NKAIN1: variants seen among roughly 807,000 people sequenced by gnomAD.
NKAIN1 encodes the protein sodium/potassium-transporting ATPase subunit beta-1-interacting protein 1.
A neutral mutation model predicts 31.6 loss-of-function variants in NKAIN1; 13 were observed. The observed-to-expected ratio is 0.41, with a 90% CI of 0.27 to 0.65. The LOEUF (loss-of-function observed/expected upper bound fraction) is 0.65. Ranked by LOEUF, NKAIN1 falls within the 30% of genes least tolerant of loss-of-function variation. NKAIN1 has a pLI of 0.30. For synonymous variants in NKAIN1, 104 were observed against 109.0 expected (o/e 0.95, Z 0.28); for missense variants, 193 against 262.2 (o/e 0.74, Z 1.82).
At chr1:31,216,233 C>G (rs528104182) in intron 1 of NKAIN1, among the ~76,000 whole-genome samples, 1 of 151,906 alleles carries the variant, frequency 6.6e-6, no homozygotes, top group African/African-American at 2.4e-5. Flanking sequence ...AAGCAATTGC[C>G]GTCTGCACGT....
intron 1 of NKAIN1, among the ~76,000 whole-genome samples, chr1:31,212,889 C>A (rs1412726213): frequency 6.6e-6 from 1 of 151,850 alleles, no homozygotes; most frequent in Non-Finnish European, 1.5e-5. Context: ...CCCAGCTACT[C>A]GGGAGGCTGA....
intron 1 of NKAIN1, among the ~76,000 whole-genome samples, chr1:31,200,038 CAT>C (rs1553162439): frequency 1.3e-5 from 2 of 151,780 alleles, no homozygotes; most frequent in African/African-American, 2.4e-5. Context: ...CACACACACA[CAT>C]GCACACGTGC....
chr1:31,209,158 C>G (rs1289787837), intron 1 of NKAIN1, among the ~76,000 whole-genome samples: 1 of 152,124 alleles, frequency 6.6e-6, no homozygotes, highest in Non-Finnish European at 1.5e-5. Flanking sequence ...GTGGATCACC[C>G]GAGGTCAGGA....
At chr1:31,219,929 G>A (rs1645549026) in intron 1 of NKAIN1, among the ~76,000 whole-genome samples, 1 of 151,636 alleles carries the variant, frequency 6.6e-6, no homozygotes, top group Non-Finnish European at 1.5e-5. Context: ...TCTGTGAAAT[G>A]TTTGTGCCTT....
At chr1:31,208,463 A>G (rs527612166) in intron 1 of NKAIN1, among the ~76,000 whole-genome samples, 55 of 152,222 alleles carry the variant, frequency 3.6e-4, no homozygotes, top group African/African-American at 1.1e-3. Flanking sequence ...CTTCCTTGCT[A>G]ATAAGAGAAA....
At chr1:31,208,391 G>A (rs1645440230) in intron 1 of NKAIN1, among the ~76,000 whole-genome samples, 1 of 152,154 alleles carries the variant, frequency 6.6e-6, no homozygotes, top group African/African-American at 2.4e-5. Flanking sequence ...CGCCTCTGCT[G>A]CAGCTTTCTC....
At chr1:31,194,570 C>A (rs777705575) in intron 1 of NKAIN1, among the ~76,000 whole-genome samples, 10 of 150,858 alleles carry the variant, frequency 6.6e-5, no homozygotes, top group Non-Finnish European at 1.3e-4. Flanking sequence ...CCATGCCCTG[C>A]CAATTATTGT....
chr1:31,233,249 C>G lies in NKAIN1; in HGVS notation c.54+6245G>C, dbSNP rs1031544525. 6.6e-6 allele frequency among the ~76,000 whole-genome samples: 1 copy of G among 152,166 alleles called. No individual in the cohort carries two copies. Among genetic ancestry groups the G allele is most frequent in the East Asian group, 1.9e-4 (1 of 5,196 alleles). On this transcript the variant is annotated intron_variant, in intron 1 of 6. Coordinates refer to ENST00000373736, the MANE Select transcript of NKAIN1 (RefSeq NM_024522.3). The surrounding 1 kb of genome is among the most constrained non-coding windows in gnomAD (Gnocchi z 4.0). ...ACAGGTGTGAGCTACCGCACCCAGC[C>G]GTGCATCACAGCTCTTTTAAGTCCA...
chr1:31,181,924 A>T lies in NKAIN1; in HGVS notation c.550T>A (p.Phe184Ile). 1 of 1,606,318 alleles carries T rather than the reference A, an allele frequency of 6.2e-7. No individual in the cohort carries two copies. The highest frequency in any genetic ancestry group is 1.7e-5 in the Admixed American group (1 of 58,606). ...EEDSFDFIGG[F>I]DSYGYQAPQK... ...GGCGCCTGGTATCCGTAGGAGTCAAAGCCGCCGATGAAGTCAACTGCGGAA... is the reference window on the plus strand; with the variant it reads ...GGCGCCTGGTATCCGTAGGAGTCAATGCCGCCGATGAAGTCAACTGCGGAA... The change falls in exon 6 of 7, where the codon TTT (phenylalanine) becomes ATT (isoleucine). Residue 184 changes from phenylalanine (F) to isoleucine (I), a missense_variant. By Grantham distance (21) the Phe-to-Ile change is conservative. Transcript: ENST00000373736.
chr1:31,218,071 T>TCTTTCTTTCTTTCTC (rs201070152), intron 1 of NKAIN1, among the ~76,000 whole-genome samples: 1 of 133,614 alleles, frequency 7.5e-6, no homozygotes, highest in African/African-American at 2.8e-5. Context: ...TTTCTTTCTT[T>TCTTTCTTTCTTTCTC]TTTTTTTTTG....
intron 1 of NKAIN1, among the ~76,000 whole-genome samples, chr1:31,229,658 T>A (rs1645631524): frequency 6.6e-6 from 1 of 151,752 alleles, no homozygotes; most frequent in African/African-American, 2.4e-5. Context: ...AAAGATGAGG[T>A]CACCAGAGTC....
chr1:31,210,744 G>C (rs1281396952), intron 1 of NKAIN1, among the ~76,000 whole-genome samples: 3 of 152,216 alleles, frequency 2.0e-5, no homozygotes, highest in African/African-American at 7.2e-5. Flanking sequence ...GTTGACAGGG[G>C]TGAGTAAGGA....
intron 1 of NKAIN1, among the ~76,000 whole-genome samples, chr1:31,199,478 C>T (rs1000338472): frequency 2.0e-5 from 3 of 152,128 alleles, no homozygotes; most frequent in African/African-American, 7.2e-5. Context: ...GACTCAACCC[C>T]TCATCTGTGA....
intron 1 of NKAIN1, among the ~76,000 whole-genome samples, chr1:31,200,088 C>T (rs904623214): frequency 2.0e-4 from 30 of 152,304 alleles, no homozygotes; most frequent in African/African-American, 6.5e-4. Context: ...TGCGCGCACA[C>T]GCATTCACAC....
chr1:31,232,422 TATAG>T (rs1258461280), intron 1 of NKAIN1, among the ~76,000 whole-genome samples: 33 of 25,806 alleles, frequency 1.3e-3, no homozygotes, highest in African/African-American at 3.5e-3. Flanking sequence ...TATATATATA[TATAG>T]AGAGAGAGAG....
intron 1 of NKAIN1, among the ~76,000 whole-genome samples, chr1:31,230,792 A>G (rs1272971923): frequency 6.6e-6 from 1 of 152,028 alleles, no homozygotes; most frequent in Non-Finnish European, 1.5e-5. Context: ...TGATATAGGC[A>G]TCCACTGTGC....
At chr1:31,215,475 C>T (rs373080088) in intron 1 of NKAIN1, among the ~76,000 whole-genome samples, 3 of 152,296 alleles carry the variant, frequency 2.0e-5, no homozygotes, top group East Asian at 1.9e-4. Flanking sequence ...TCAGACCGCC[C>T]GGGACACTGA....
In NKAIN1 at chr1:31,233,187, T is replaced by A. The variant is rs1419523381; in HGVS notation, c.54+6307A>T. On this transcript the variant is annotated intron_variant, in intron 1 of 6. Coordinates refer to ENST00000373736, the MANE Select transcript of NKAIN1 (RefSeq NM_024522.3). The surrounding 1 kb of genome is among the most constrained non-coding windows in gnomAD (Gnocchi z 4.0). The stretch of plus-strand genomic sequence containing the variant: ...CTGGTTTCGAACTCCTGATCTCAAG[T>A]GATCTGCATGCCTCGGCCTCCCAAA... Among the ~76,000 whole-genome samples, 1 of 152,138 alleles carries A rather than the reference T, an allele frequency of 6.6e-6. No homozygotes were observed. Among genetic ancestry groups the A allele is most frequent in the Non-Finnish European group, 1.5e-5 (1 of 68,030 alleles).
At chr1:31,200,458 CTTTTTTT>C (rs3081712) in intron 1 of NKAIN1, among the ~76,000 whole-genome samples, 1 of 121,884 alleles carries the variant, frequency 8.2e-6, no homozygotes, top group East Asian at 2.3e-4. Context: ...TCTCCTCTCT[CTTTTTTT>C]TTTTTTTTTT....
Sources: allele counts gnomAD v4.1 joint callset (sites outside exome capture counted in the v4.1 genomes callset), GRCh38; gene constraint gnomAD v4.1.1; non-coding constraint Gnocchi (gnomAD v3.1); transcripts MANE v1.5; gene names NCBI Gene and HGNC (gene_info 2026-07-23, HGNC 2026-07-21).